The following KCNIP1 variants were observed in gnomAD, a reference collection of about 807,000 sequenced individuals.
The protein encoded by KCNIP1 is A-type potassium channel modulatory protein KCNIP1.
A neutral mutation model predicts 33.0 loss-of-function variants in KCNIP1; 18 were observed. That is an observed-to-expected ratio of 0.55 (90% confidence interval 0.38 to 0.81). The LOEUF (loss-of-function observed/expected upper bound fraction) is 0.81, where lower values mean the gene tolerates loss of function less well. KCNIP1 is among the 30% of genes least tolerant of loss of function. KCNIP1 has a pLI of 0.00. For synonymous variants in KCNIP1, 93 were observed against 98.3 expected (o/e 0.95, Z 0.32); for missense variants, 238 against 271.6 (o/e 0.88, Z 0.87).
At chr5:170,576,832 G>A (rs534917546) in intron 1 of KCNIP1, among the ~76,000 whole-genome samples, 2 of 152,304 alleles carry the variant, frequency 1.3e-5, no homozygotes, top group Admixed American at 6.5e-5. Context: ...CTTCTTGGCT[G>A]CCCCCTTTGA....
At chr5:170,488,371 A>G (rs1388918725) in intron 1 of KCNIP1, among the ~76,000 whole-genome samples, 4 of 152,172 alleles carry the variant, frequency 2.6e-5, no homozygotes, top group Non-Finnish European at 4.4e-5. Flanking sequence ...GGTGCAGATG[A>G]GGTCTGCTGG....
chr5:170,708,470 TG>T (rs1763335395), intron 1 of KCNIP1, among the ~76,000 whole-genome samples: 1 of 152,372 alleles, frequency 6.6e-6, no homozygotes, highest in East Asian at 1.9e-4. Flanking sequence ...AAGTATGTCA[TG>T]TTCTTTTAAA....
At chr5:170,626,720 C>G (rs1431765229) in intron 1 of KCNIP1, among the ~76,000 whole-genome samples, 1 of 152,168 alleles carries the variant, frequency 6.6e-6, no homozygotes, top group East Asian at 1.9e-4. Context: ...CGGGCCACAG[C>G]CGAGGCTGGG....
At chr5:170,612,958 C>A (rs1185099166) in intron 1 of KCNIP1, among the ~76,000 whole-genome samples, 1 of 152,186 alleles carries the variant, frequency 6.6e-6, no homozygotes, top group East Asian at 1.9e-4. Flanking sequence ...CTGAAGGTTC[C>A]TCTGCGCCCC....
At chr5:170,632,079 C>T (rs1253258123) in intron 1 of KCNIP1, among the ~76,000 whole-genome samples, 1 of 152,206 alleles carries the variant, frequency 6.6e-6, no homozygotes, top group Non-Finnish European at 1.5e-5. Context: ...CACAGAGGAC[C>T]TTCGTGCCTG....
chr5:170,657,608 C>T (rs1561746426), intron 1 of KCNIP1, among the ~76,000 whole-genome samples: 1 of 152,166 alleles, frequency 6.6e-6, no homozygotes, highest in Non-Finnish European at 1.5e-5. Flanking sequence ...CTCACACTTC[C>T]CCAGCTCCTA....
rs575487122 is a variant in KCNIP1 at position 170,643,963 on chromosome 5, C to T, written c.62-74795C>T. On this transcript the variant is annotated intron_variant, in intron 1 of 7. Transcript: ENST00000328939. ...GTTCCTGTTCTGTCACTCACCAGTG[C>T]TCACTGGGTGGGTCACTGAACTCCC... Among the ~76,000 whole-genome samples the T allele has an allele frequency of 5.9e-5, 9 of 152,312 alleles. No homozygotes were observed. The South Asian group carries it at 1.9e-3, about 32-fold the overall frequency.
intron 1 of KCNIP1, among the ~76,000 whole-genome samples, chr5:170,627,268 T>A (rs1759868854): frequency 6.6e-6 from 1 of 152,044 alleles, no homozygotes; most frequent in South Asian, 2.1e-4. Context: ...CCAAACAACA[T>A]GAGGAAAAAT....
At position 170,506,066 on chromosome 5, in the gene KCNIP1, C is replaced by G. The variant is rs1754704968; in HGVS notation, c.61+1433C>G. Among the ~76,000 whole-genome samples the G allele has an allele frequency of 5.9e-5, 9 of 152,262 alleles. No homozygotes were observed. In the South Asian group the frequency reaches 1.9e-3, roughly 32 times the overall value. On this transcript the variant is annotated intron_variant, in intron 1 of 7. Coordinates refer to ENST00000328939, the MANE Select transcript of KCNIP1 (RefSeq NM_014592.4). ...TTTCAGCGCCAAATATAGGTCTTCT[C>G]CCTCATCATCTGTCTGACCACCATG...
chr5:170,478,839 C>T (rs1756913619), intron 1 of KCNIP1, among the ~76,000 whole-genome samples: 1 of 151,992 alleles, frequency 6.6e-6, no homozygotes, highest in Non-Finnish European at 1.5e-5. Flanking sequence ...TGAACACTTC[C>T]TATAAATGAA....
Position 170,504,526 on chromosome 5 carries a change from G to T in KCNIP1, c.-47G>T, listed in dbSNP as rs757101605. ...ACGGGGATTTCTTTCCAGGGTAGGG[G>T]AGGGGCCGGGCCCGGGGTCCCAACT... On this transcript the variant is annotated 5_prime_UTR_variant, in exon 1 of 8. Coordinates refer to ENST00000328939, the MANE Select transcript of KCNIP1 (RefSeq NM_014592.4). This position sits in a 1 kb window ranked among gnomAD's most constrained non-coding sequence, Gnocchi z 6.0. 1 of 1,610,500 alleles carries T rather than the reference G, an allele frequency of 6.2e-7. No homozygotes were observed. The highest frequency in any genetic ancestry group is 1.1e-5 in the South Asian group (1 of 91,054).
chr5:170,584,255 G>A (rs1028580231), intron 1 of KCNIP1, among the ~76,000 whole-genome samples: 3 of 152,214 alleles, frequency 2.0e-5, no homozygotes, highest in Non-Finnish European at 2.9e-5. Context: ...CAGACTCCGT[G>A]CTTCTTAGAA....
chr5:170,612,424 C>A (rs910999748), intron 1 of KCNIP1, among the ~76,000 whole-genome samples: 1 of 152,218 alleles, frequency 6.6e-6, no homozygotes, highest in Non-Finnish European at 1.5e-5. Context: ...GCTCTCCTGG[C>A]GGCTCCCTTT....
Position 170,367,380 on chromosome 5 carries a change from A to G in KCNIP1, c.88+13416A>G, listed in dbSNP as rs184882598. Among the ~76,000 whole-genome samples the G allele has an allele frequency of 5.1e-4, 62 of 121,402 alleles. 1 individual carries two copies. The highest frequency in any genetic ancestry group is 1.9e-3 in the African/African-American group (55 of 29,008). The allele number at this position is 121,402 out of a possible 152,430, so 79.6% of individuals were successfully genotyped here. On this transcript the variant is annotated intron_variant, in intron 1 of 7. Transcript: ENST00000377360. ...AAGAAAGAAAGAAAGAAAGAAAGAAAGAAAGAAAGAAAGAAAGAAAGAAAG... is the reference window on the plus strand; with the variant it reads ...AAGAAAGAAAGAAAGAAAGAAAGAAGGAAAGAAAGAAAGAAAGAAAGAAAG...
intron 1 of KCNIP1, among the ~76,000 whole-genome samples, chr5:170,523,978 C>T (rs553510455): frequency 6.6e-6 from 1 of 152,278 alleles, no homozygotes; most frequent in African/African-American, 2.4e-5. Context: ...TGTGTCTTGG[C>T]TCCTGCCTGT....
intron 1 of KCNIP1, among the ~76,000 whole-genome samples, chr5:170,384,467 G>A (rs543702396): frequency 6.6e-6 from 1 of 152,340 alleles, no homozygotes; most frequent in East Asian, 1.9e-4. Context: ...CAGATTAAGA[G>A]TCCAGCCTGG....
intron 1 of KCNIP1, among the ~76,000 whole-genome samples, chr5:170,536,276 G>T (rs1039377130): frequency 6.6e-6 from 1 of 152,216 alleles, no homozygotes; most frequent in African/African-American, 2.4e-5. Context: ...ATGTAGGTTT[G>T]CTGTCAATCC....
At chr5:170,385,322 G>A (rs1561597643) in intron 1 of KCNIP1, 5 of 1,614,138 alleles carry the variant, frequency 3.1e-6, no homozygotes, top group Non-Finnish European at 4.2e-6. Context: ...ACCTTTTCTG[G>A]TAGAGGGGCA....
intron 1 of KCNIP1, chr5:170,377,982 A>G (rs1764076482): frequency 6.6e-6 from 1 of 152,252 alleles, no homozygotes; most frequent in Non-Finnish European, 1.5e-5. Flanking sequence ...CACTCTTTCA[A>G]CTTTTCCAAA....
Sources: allele counts gnomAD v4.1 joint callset (sites outside exome capture counted in the v4.1 genomes callset), GRCh38; gene constraint gnomAD v4.1.1; non-coding constraint Gnocchi (gnomAD v3.1); transcripts MANE v1.5; gene names NCBI Gene and HGNC (gene_info 2026-07-23, HGNC 2026-07-21).